PRTFDC1: variants seen among roughly 807,000 people sequenced by gnomAD.
PRTFDC1 encodes phosphoribosyl transferase domain containing 1, also known as phosphoribosyltransferase domain-containing protein 1.
In PRTFDC1, 38 loss-of-function variants were observed where a neutral mutation model predicts 34.6. The ratio of observed to expected loss-of-function variants is 1.10; its 90% CI spans 0.85 to 1.44. The LOEUF (loss-of-function observed/expected upper bound fraction) is 1.44. Ranked by LOEUF, PRTFDC1 falls within the 40% of genes most tolerant of loss-of-function variation. PRTFDC1 has a pLI of 0.00. For missense variants in PRTFDC1, 270 were observed against 283.0 expected (o/e 0.95, Z 0.33); for synonymous variants, 93 against 98.1 (o/e 0.95, Z 0.31).
intron 4 of PRTFDC1, among the ~76,000 whole-genome samples, chr10:24,861,469 C>G (rs1468435396): frequency 6.6e-6 from 1 of 152,096 alleles, no homozygotes; most frequent in Non-Finnish European, 1.5e-5. Context: ...CACTGCACTC[C>G]AGCCTGGGCA....
intron 2 of PRTFDC1, 38 bp downstream of exon 2, chr10:24,942,292 A>G: frequency 2.6e-6 from 4 of 1,509,944 alleles, no homozygotes. Context: ...GGGCCGGCCC[A>G]GTGCAGGACC....
At chr10:24,919,927 C>T (rs1306534718) in intron 3 of PRTFDC1, among the ~76,000 whole-genome samples, 1 of 152,004 alleles carries the variant, frequency 6.6e-6, no homozygotes, top group Non-Finnish European at 1.5e-5. Context: ...AATGAGATAC[C>T]ATCTCATGCC....
chr10:24,937,471 A>T, intron 2 of PRTFDC1, 104 bp from the exon 3 acceptor site: 1 of 1,042,200 alleles, frequency 9.6e-7, no homozygotes, highest in Non-Finnish European at 1.3e-6. Context: ...TACTCAGAGG[A>T]ATGTGGGGAA....
At chr10:24,871,380 A>G (rs1847865008) in intron 4 of PRTFDC1, among the ~76,000 whole-genome samples, 2 of 152,134 alleles carry the variant, frequency 1.3e-5, no homozygotes, top group African/African-American at 4.8e-5. Flanking sequence ...TTAGGAAACA[A>G]CTCTTCTTTC....
chr10:24,892,581 C>T (rs1848283345), intron 3 of PRTFDC1, among the ~76,000 whole-genome samples: 1 of 151,980 alleles, frequency 6.6e-6, no homozygotes, highest in South Asian at 2.1e-4. Flanking sequence ...TAATCTTTTC[C>T]TGATTCTTAC....
chr10:24,937,880 G>C (rs1201781648), intron 2 of PRTFDC1, among the ~76,000 whole-genome samples: 1 of 151,884 alleles, frequency 6.6e-6, no homozygotes, highest in African/African-American at 2.4e-5. Flanking sequence ...TTCTAAAGAA[G>C]ACACACGATC....
intron 3 of PRTFDC1, among the ~76,000 whole-genome samples, chr10:24,909,236 G>T (rs570931271): frequency 6.6e-6 from 1 of 152,040 alleles, no homozygotes; most frequent in East Asian, 1.9e-4. Context: ...AGTCATGATT[G>T]TGTCATTGCA....
At chr10:24,942,462 G>C in intron 1 of PRTFDC1, 26 bp from the exon 2 acceptor site, 1 of 1,569,402 alleles carries the variant, frequency 6.4e-7, no homozygotes, top group Non-Finnish European at 8.8e-7. Context: ...TTTTGGTTAT[G>C]GTATTTTTTC....
rs1588607435 is a variant in PRTFDC1, at chr10:24,907,738, C to T, written c.339+29446G>A. Among the ~76,000 whole-genome samples the T allele has an allele frequency of 3.3e-5, 5 of 152,310 alleles. No individual in the cohort carries two copies. The South Asian group carries it at 1.0e-3, about 32-fold the overall frequency. On this transcript the variant is annotated intron_variant, in intron 3 of 8. Transcript: ENST00000320152. The stretch of plus-strand genomic sequence containing the variant: ...GTTCTGAATATCCTGGGTAGCTTCA[C>T]TAACACTATTAAAGAAGTTACATTC...
chr10:24,925,523 GTATT>G (rs1401081607), intron 3 of PRTFDC1, among the ~76,000 whole-genome samples: 4 of 152,078 alleles, frequency 2.6e-5, no homozygotes, highest in African/African-American at 9.7e-5. Flanking sequence ...TTTCAGTTAT[GTATT>G]TATTAGCAGC....
intron 3 of PRTFDC1, among the ~76,000 whole-genome samples, chr10:24,880,019 A>G: frequency 6.6e-6 from 1 of 152,186 alleles, no homozygotes; most frequent in Non-Finnish European, 1.5e-5. Context: ...TTCCGGCCAC[A>G]GCTCCACTTT....
intron 3 of PRTFDC1, among the ~76,000 whole-genome samples, chr10:24,888,724 G>A (rs1281473786): frequency 6.6e-6 from 1 of 152,132 alleles, no homozygotes; most frequent in East Asian, 1.9e-4. Flanking sequence ...ATAGGGCTTA[G>A]AAAGAAAAGG....
chr10:24,850,353 T>C (rs1183347585), intron 8 of PRTFDC1, among the ~76,000 whole-genome samples: 1 of 152,120 alleles, frequency 6.6e-6, no homozygotes. Flanking sequence ...AGGATTTGGA[T>C]GGGCTCAGTG....
intron 1 of PRTFDC1, among the ~76,000 whole-genome samples, chr10:24,949,303 C>G (rs902134536): frequency 2.0e-5 from 3 of 152,044 alleles, no homozygotes; most frequent in South Asian, 2.1e-4. Flanking sequence ...AGGCTGGTCT[C>G]GAACTCCTGG....
chr10:24,928,226 ATTTC>A (rs1848911152), intron 3 of PRTFDC1, among the ~76,000 whole-genome samples: 1 of 151,134 alleles, frequency 6.6e-6, no homozygotes, highest in Non-Finnish European at 1.5e-5. Flanking sequence ...CTATTTTCCT[ATTTC>A]TTTATTTTTC....
intron 1 of PRTFDC1, among the ~76,000 whole-genome samples, chr10:24,945,087 G>C (rs1849232589): frequency 6.6e-6 from 1 of 152,102 alleles, no homozygotes; most frequent in Non-Finnish European, 1.5e-5. Context: ...CTTCTTTCAA[G>C]TCTCCATTCA....
At chr10:24,928,270 T>C (rs1848911466) in intron 3 of PRTFDC1, among the ~76,000 whole-genome samples, 1 of 152,112 alleles carries the variant, frequency 6.6e-6, no homozygotes, top group Non-Finnish European at 1.5e-5. Flanking sequence ...AATATGTATG[T>C]GTGTGTGCAT....
intron 4 of PRTFDC1, among the ~76,000 whole-genome samples, chr10:24,867,320 G>A (rs2132505558): frequency 6.6e-6 from 1 of 152,030 alleles, no homozygotes; most frequent in East Asian, 1.9e-4. Context: ...ACCCTAACTT[G>A]GCTCCTGTAG....
rs780179894 is a variant in PRTFDC1, at chr10:24,937,188, T to A, written c.335A>T (p.Tyr112Phe). 2.5e-6 allele frequency: 4 copies of A among 1,611,298 alleles called. No homozygotes were observed. Among genetic ancestry groups the A allele is most frequent in the Non-Finnish European group, 2.5e-6 (3 of 1,178,596 alleles). Residue 112 changes from tyrosine (Y) to phenylalanine (F), a missense_variant, in exon 3 of 9, where the codon TAC becomes TTC. By Grantham distance (22) the Tyr-to-Phe change is conservative. Transcript: ENST00000320152. ...MKVDFIRLKS[Y>F]RNDQSMGEMQ... is the part of the protein sequence containing the mutation. ...GCGGAACTTGTAATAACTTACCCTG[T>A]AACTTTTTAGTCTGATGAAATCAAC...
Sources: gnomAD v4.1 joint callset for allele counts (sites outside exome capture counted in the v4.1 genomes callset) on GRCh38, gnomAD v4.1.1 for gene constraint, MANE v1.5 for transcripts, NCBI Gene and HGNC (gene_info 2026-07-23, HGNC 2026-07-21) for gene names.